EBF4: variants seen among roughly 807,000 people sequenced by gnomAD.
EBF4 encodes transcription factor COE4.
In EBF4, 34 loss-of-function variants were observed where a neutral mutation model predicts 67.1. The observed-to-expected ratio is 0.51, with a 90% CI of 0.39 to 0.67. The LOEUF (loss-of-function observed/expected upper bound fraction) is 0.67, where lower values mean the gene tolerates loss of function less well. EBF4 is among the 30% of genes least tolerant of loss of function. The probability of loss-of-function intolerance (pLI) is 0.00; values close to 1 mark genes in which losing one functional copy is unlikely to be tolerated. For missense variants in EBF4, 837 were observed against 873.3 expected, an observed-to-expected ratio of 0.96 and a Z score of 0.52; for synonymous variants, 387 against 377.7, an observed-to-expected ratio of 1.02 and a Z score of -0.29.
chr20:2,726,803 A>T (rs998836213), intron 6 of EBF4, among the ~76,000 whole-genome samples: 2 of 152,192 alleles, frequency 1.3e-5, no homozygotes, highest in Non-Finnish European at 2.9e-5. Flanking sequence ...CACATAACGT[A>T]AAATTTTCCA....
intron 6 of EBF4, among the ~76,000 whole-genome samples, chr20:2,731,917 G>A (rs752870394): frequency 3.9e-5 from 6 of 152,184 alleles, no homozygotes; most frequent in Admixed American, 3.9e-4. Context: ...TGTGTGTGCA[G>A]AGCTTCAACA....
chr20:2,727,709 T>TC (rs1439713801), intron 6 of EBF4, among the ~76,000 whole-genome samples: 4 of 152,186 alleles, frequency 2.6e-5, no homozygotes, highest in Non-Finnish European at 5.9e-5. Flanking sequence ...GTTTCCAGTT[T>TC]CCCCACATCC....
intron 1 of EBF4, among the ~76,000 whole-genome samples, chr20:2,697,165 A>G (rs1225098979): frequency 6.6e-6 from 1 of 152,150 alleles, no homozygotes; most frequent in African/African-American, 2.4e-5. Context: ...ATTTTACAGA[A>G]GGTGGGTGGG....
chr20:2,699,655 G>T (rs567281713), intron 1 of EBF4, among the ~76,000 whole-genome samples: 4 of 152,250 alleles, frequency 2.6e-5, no homozygotes, highest in Non-Finnish European at 5.9e-5. Flanking sequence ...TGCAGAAGTG[G>T]TTAATGTGGC....
intron 6 of EBF4, among the ~76,000 whole-genome samples, chr20:2,727,490 G>A (rs2087761145): frequency 6.6e-6 from 1 of 152,132 alleles, no homozygotes; most frequent in South Asian, 2.1e-4. Context: ...TGCATCCTTT[G>A]AATACTGTAT....
At chr20:2,726,726 C>T (rs2087751525) in intron 6 of EBF4, among the ~76,000 whole-genome samples, 2 of 152,050 alleles carry the variant, frequency 1.3e-5, no homozygotes, top group Non-Finnish European at 2.9e-5. Flanking sequence ...ACAAACTTTA[C>T]AATTAGATTA....
At chr20:2,714,309 T>C (rs1435609799) in intron 6 of EBF4, among the ~76,000 whole-genome samples, 1 of 152,004 alleles carries the variant, frequency 6.6e-6, no homozygotes, top group East Asian at 1.9e-4. Flanking sequence ...TTTCCTTCCT[T>C]CCTTCTTTCC....
chr20:2,752,468 C>T, exon 14 of EBF4: 2 of 1,268,060 alleles, frequency 1.6e-6, no homozygotes, highest in Middle Eastern at 2.9e-4. Flanking sequence ...GGCTACGGCG[C>T]GCCGGGCGTG....
At chr20:2,719,896 A>G (rs937703365) in intron 6 of EBF4, among the ~76,000 whole-genome samples, 2 of 152,208 alleles carry the variant, frequency 1.3e-5, no homozygotes, top group Non-Finnish European at 2.9e-5. Context: ...ATAAATATCA[A>G]ACAGGTCAAG....
chr20:2,759,412 A>C, downstream of EBF4: 6 of 166,838 alleles, frequency 3.6e-5, no homozygotes, highest in East Asian at 1.6e-4. Context: ...CCTTCACCCC[A>C]TGCTCAAGCC....
chr20:2,698,767 G>A (rs1000649165), intron 1 of EBF4, among the ~76,000 whole-genome samples: 2 of 152,166 alleles, frequency 1.3e-5, no homozygotes, highest in Non-Finnish European at 2.9e-5. Context: ...GTCCCCCGTA[G>A]CCCTAGCATC....
At chr20:2,727,163 T>C (rs1383786235) in intron 6 of EBF4, among the ~76,000 whole-genome samples, 3 of 152,034 alleles carry the variant, frequency 2.0e-5, no homozygotes, top group Non-Finnish European at 4.4e-5. Flanking sequence ...CCTTTTATTA[T>C]ATATTATATG....
chr20:2,708,911 C>T (rs2087498088), intron 5 of EBF4, among the ~76,000 whole-genome samples: 1 of 152,074 alleles, frequency 6.6e-6, no homozygotes, highest in South Asian at 2.1e-4. Flanking sequence ...ATTGGCCAGG[C>T]ACAATGGCTC....
intron 6 of EBF4, among the ~76,000 whole-genome samples, chr20:2,725,879 A>G (rs778884787): frequency 3.3e-5 from 5 of 152,212 alleles, no homozygotes; most frequent in African/African-American, 9.6e-5. Context: ...ATGGCTCCCA[A>G]TTAGATTTCA....
intron 6 of EBF4, among the ~76,000 whole-genome samples, chr20:2,728,348 T>C (rs1483434561): frequency 2.6e-5 from 4 of 152,118 alleles, no homozygotes; most frequent in Admixed American, 6.5e-5. Flanking sequence ...ACTCCAGAGA[T>C]TGTCTGATTC....
At position 2,707,791 on chromosome 20, in the gene EBF4, C is replaced by A. The variant is rs757311734; in HGVS notation, c.415-156C>A. Among the ~76,000 whole-genome samples, 4 of 152,158 alleles carry A rather than the reference C, an allele frequency of 2.6e-5. No homozygotes were observed. Among genetic ancestry groups the A allele is most frequent in the East Asian group, 1.9e-4 (1 of 5,186 alleles). ...CGGTTTGGGAGGAGGGGTTATCCCC[C>A]GCCTGGGCAGCCCAGAGCAAGGCAG... On this transcript the variant is annotated intron_variant, in intron 4 of 16. Coordinates refer to ENST00000609451, the Ensembl canonical transcript of EBF4. The surrounding 1 kb of genome is among the most constrained non-coding windows in gnomAD (Gnocchi z 4.6).
rs1336681906 is a variant in EBF4, at chr20:2,749,847, C to G, written c.892C>G (p.Leu298Val). The G allele has an allele frequency of 2.1e-5, 32 of 1,548,914 alleles. No individual in the cohort carries two copies. The highest frequency in any genetic ancestry group is 2.8e-5 in the Non-Finnish European group (32 of 1,145,606). ...GCAGGCCTCCCCTCTCCCCTCGCAG[C>G]TCATCACGCCCCACGCCATCCGGGT... is the stretch of plus-strand genomic sequence containing the variant. Residue 298 changes from leucine (L) to valine (V), a missense_variant and splice_region_variant, in exon 10 of 17, where the codon CTC becomes GTC. Coordinates refer to ENST00000609451, the Ensembl canonical transcript of EBF4.
chr20:2,756,958 T>A lies in EBF4; in HGVS notation c.1738+1134T>A, dbSNP rs1486787535. Among the ~76,000 whole-genome samples the A allele has an allele frequency of 6.6e-6, 1 of 152,232 alleles. No homozygotes were observed. The highest frequency in any genetic ancestry group is 2.4e-5 in the African/African-American group (1 of 41,456). Reference sequence around the variant, plus strand: ...TATTTTTCTAACAGCATCTTGAGATTAGTTCCTGGGGAATGACCTTGAGAT... The same window carrying A: ...TATTTTTCTAACAGCATCTTGAGATAAGTTCCTGGGGAATGACCTTGAGAT... On this transcript the variant is annotated intron_variant, in intron 15 of 16. Coordinates refer to ENST00000609451, the Ensembl canonical transcript of EBF4. The surrounding 1 kb of genome is among the most constrained non-coding windows in gnomAD (Gnocchi z 4.5).
chr20:2,737,016 A>AGGC (rs2087889502), intron 6 of EBF4, among the ~76,000 whole-genome samples: 1 of 151,880 alleles, frequency 6.6e-6, no homozygotes, highest in African/African-American at 2.4e-5. Flanking sequence ...TTGGGAGGCC[A>AGGC]AGGTGGGCAG....
Sources: allele counts gnomAD v4.1 joint callset (sites outside exome capture counted in the v4.1 genomes callset), GRCh38; gene constraint gnomAD v4.1.1; non-coding constraint Gnocchi (gnomAD v3.1); transcripts MANE v1.5; gene names NCBI Gene and HGNC (gene_info 2026-07-23, HGNC 2026-07-21).